Variants in DLG2 observed in about 807,000 individuals in gnomAD.
DLG2 encodes disks large homolog 2.
DLG2 carries 45 observed loss-of-function variants against 132.5 expected under a neutral mutation model. The ratio of observed to expected loss-of-function variants is 0.34; its 90% CI spans 0.27 to 0.44. The LOEUF (loss-of-function observed/expected upper bound fraction) is 0.44, where lower values mean the gene tolerates loss of function less well. DLG2 is among the 20% of genes least tolerant of loss of function. DLG2 has a pLI of 1.00. For synonymous variants in DLG2, 424 were observed against 419.6 expected (o/e 1.01, Z -0.13); for missense variants, 1,045 against 1,196.9 (o/e 0.87, Z 1.87).
intron 6 of DLG2, among the ~76,000 whole-genome samples, chr11:84,747,449 T>C (rs1030768063): frequency 6.6e-6 from 1 of 152,182 alleles, no homozygotes; most frequent in African/African-American, 2.4e-5. Context: ...ATGGGCTTTG[T>C]TGTCTGACAA....
At chr11:84,023,477 C>A (rs1356773070) in intron 11 of DLG2, among the ~76,000 whole-genome samples, 1 of 152,004 alleles carries the variant, frequency 6.6e-6, no homozygotes, top group East Asian at 1.9e-4. Flanking sequence ...AGTAGAAAAG[C>A]CAGGATTTGA....
At chr11:84,584,674 CTTTTTTTTTTTTT>C (rs71036428) in intron 6 of DLG2, among the ~76,000 whole-genome samples, 25 of 55,858 alleles carry the variant, frequency 4.5e-4, no homozygotes, top group Middle Eastern at 0.016. Flanking sequence ...CCCAGCATTC[CTTTTTTTTTTTTT>C]TTTTTTTTTT....
chr11:83,949,323 A>C (rs2084832284), intron 14 of DLG2, among the ~76,000 whole-genome samples: 1 of 152,180 alleles, frequency 6.6e-6, no homozygotes, highest in South Asian at 2.1e-4. Flanking sequence ...TGATAACTAC[A>C]CAAATAGGTT....
At chr11:84,353,415 A>C (rs1240416926) in intron 7 of DLG2, among the ~76,000 whole-genome samples, 4 of 152,104 alleles carry the variant, frequency 2.6e-5, no homozygotes, top group Non-Finnish European at 5.9e-5. Flanking sequence ...ATACATCTGA[A>C]AGTCATTCTT....
intron 16 of DLG2, among the ~76,000 whole-genome samples, chr11:83,846,257 T>A (rs2058588587): frequency 6.6e-6 from 1 of 152,174 alleles, no homozygotes; most frequent in Non-Finnish European, 1.5e-5. Context: ...GTATCCCAGT[T>A]TGAATAATGT....
chr11:85,397,275 G>A (rs1212250541), intron 3 of DLG2, among the ~76,000 whole-genome samples: 1 of 152,080 alleles, frequency 6.6e-6, no homozygotes, highest in Admixed American at 6.6e-5. Flanking sequence ...GCTACTGAAG[G>A]AAGCACCAAA....
In DLG2 at chr11:83,708,636, A is replaced by T. The variant is rs199782374; in HGVS notation, c.1826-75311T>A. 4.6e-5 allele frequency among the ~76,000 whole-genome samples: 7 copies of T among 152,248 alleles called. No homozygotes were observed. In the East Asian group the frequency reaches 7.7e-4, roughly 17 times the overall value. ...AATTGCAATATGTTGCCATTTTTTT[A>T]AATTACAGAGCTATGTATTTCCTTA... is the stretch of plus-strand genomic sequence containing the variant. On this transcript the variant is annotated intron_variant, in intron 18 of 27. Transcript: ENST00000376104.
intron 4 of DLG2, among the ~76,000 whole-genome samples, chr11:85,281,233 C>A (rs776713473): frequency 2.2e-4 from 33 of 152,086 alleles, no homozygotes; most frequent in Non-Finnish European, 3.8e-4. Context: ...CACTTTCTTT[C>A]CAGACAAGAA....
chr11:83,790,699 C>T, intron 17 of DLG2: 1 of 815,854 alleles, frequency 1.2e-6, no homozygotes, highest in Non-Finnish European at 2.2e-6. Context: ...AACATGACTC[C>T]CGTGGTGCCA....
intron 3 of DLG2, among the ~76,000 whole-genome samples, chr11:85,423,830 G>A (rs1597206813): frequency 6.6e-6 from 1 of 152,252 alleles, no homozygotes; most frequent in East Asian, 1.9e-4. Context: ...AAGCATGGCT[G>A]AGAACTTGCC....
At chr11:84,423,379 T>A (rs1383950734) in intron 7 of DLG2, among the ~76,000 whole-genome samples, 1 of 152,206 alleles carries the variant, frequency 6.6e-6, no homozygotes, top group Non-Finnish European at 1.5e-5. Flanking sequence ...ACTGTGTCCA[T>A]GTCATGCCTG....
At chr11:83,925,859 C>G (rs1483397) in intron 15 of DLG2, among the ~76,000 whole-genome samples, 1 of 151,842 alleles carries the variant, frequency 6.6e-6, no homozygotes, top group Non-Finnish European at 1.5e-5. Context: ...GAAAAACTTA[C>G]TCTCCCAAAG....
chr11:85,099,849 C>G (rs1051771852), intron 6 of DLG2, among the ~76,000 whole-genome samples: 4 of 152,102 alleles, frequency 2.6e-5, no homozygotes, highest in Non-Finnish European at 5.9e-5. Flanking sequence ...AGACATTCAC[C>G]TACTTTGTAT....
At chr11:83,834,238 T>C (rs2055441573) in intron 16 of DLG2, among the ~76,000 whole-genome samples, 1 of 152,194 alleles carries the variant, frequency 6.6e-6, no homozygotes, top group Admixed American at 6.6e-5. Context: ...TGGGGCTCAT[T>C]AGAAGATTCT....
chr11:83,938,465 G>C (rs767613983), intron 14 of DLG2, among the ~76,000 whole-genome samples: 1 of 152,186 alleles, frequency 6.6e-6, no homozygotes, highest in Non-Finnish European at 1.5e-5. Flanking sequence ...CTGCAAACAT[G>C]TTCCATTTAG....
intron 3 of DLG2, among the ~76,000 whole-genome samples, chr11:85,343,616 G>A (rs59420262): frequency 0.01 from 1,545 of 151,844 alleles, 19 homozygotes; most frequent in African/African-American, 0.034. Context: ...GTGTGCACAC[G>A]TTCTCTCTCT....
At chr11:85,078,322 G>A (rs1316576574) in intron 6 of DLG2, among the ~76,000 whole-genome samples, 1 of 151,440 alleles carries the variant, frequency 6.6e-6, no homozygotes, top group Non-Finnish European at 1.5e-5. Context: ...TACTAACAAT[G>A]TTTAATCTGA....
At chr11:83,839,162 C>T (rs1390266647) in intron 16 of DLG2, among the ~76,000 whole-genome samples, 1 of 152,034 alleles carries the variant, frequency 6.6e-6, no homozygotes, top group Non-Finnish European at 1.5e-5. Flanking sequence ...ATTTATTTTA[C>T]CTGGACCCCA....
At chr11:84,978,838 T>C (rs891071307) in intron 6 of DLG2, among the ~76,000 whole-genome samples, 1 of 151,892 alleles carries the variant, frequency 6.6e-6, no homozygotes, top group Non-Finnish European at 1.5e-5. Flanking sequence ...CTAAAGAGCG[T>C]CTGCACAGCA....
Sources: gnomAD v4.1 joint callset for allele counts (sites outside exome capture counted in the v4.1 genomes callset) on GRCh38, gnomAD v4.1.1 for gene constraint, MANE v1.5 for transcripts, NCBI Gene and HGNC (gene_info 2026-07-23, HGNC 2026-07-21) for gene names.